The following JAM2 variants were observed in gnomAD, a reference collection of about 807,000 sequenced individuals.
JAM2 encodes junctional adhesion molecule 2.
Under a neutral mutation model 42.0 loss-of-function variants are expected in JAM2, and 17 were observed. The observed-to-expected ratio is 0.40, with a 90% CI of 0.28 to 0.61. JAM2 has a LOEUF of 0.61. Among genes scored for constraint, JAM2 ranks in the 20% least tolerant of loss-of-function variants. JAM2 has a pLI of 0.37. For synonymous variants in JAM2, 118 were observed against 128.6 expected (o/e 0.92, Z 0.56); for missense variants, 319 against 358.3 (o/e 0.89, Z 0.89).
chr21:25,688,016 G>T lies in JAM2; in HGVS notation c.134-1850G>T, dbSNP rs562905707. On this transcript the variant is annotated intron_variant, in intron 2 of 9. Transcript: ENST00000480456. ...CCCAAAGGGCAAGGATCTTTGTTTC[G>T]TTCACTGATACAGCTCAAGAACAAT... 2.0e-5 allele frequency among the ~76,000 whole-genome samples: 3 copies of T among 152,224 alleles called. No individual in the cohort carries two copies. In the South Asian group the frequency reaches 6.2e-4, roughly 32 times the overall value.
chr21:25,707,519 A>G (rs2034297244), intron 7 of JAM2, among the ~76,000 whole-genome samples: 1 of 152,228 alleles, frequency 6.6e-6, no homozygotes, highest in Admixed American at 6.5e-5. Flanking sequence ...TCAGTCAAAA[A>G]TAGAAACCTA....
chr21:25,696,748 G>A (rs932226764), intron 4 of JAM2, among the ~76,000 whole-genome samples: 28 of 152,120 alleles, frequency 1.8e-4, no homozygotes, highest in Admixed American at 4.6e-4. Context: ...AGGACCGAGA[G>A]GTCTCTGTTC....
intron 1 of JAM2, among the ~76,000 whole-genome samples, chr21:25,654,230 GT>G (rs1420494330): frequency 1.3e-5 from 2 of 152,224 alleles, no homozygotes; most frequent in Admixed American, 1.3e-4. Context: ...TTTGCAGCAT[GT>G]AATTGACTTA....
At chr21:25,704,125 C>T (rs1450160136) in intron 6 of JAM2, among the ~76,000 whole-genome samples, 3 of 151,524 alleles carry the variant, frequency 2.0e-5, no homozygotes, top group African/African-American at 7.3e-5. Context: ...GATTTAATGA[C>T]TACTACAAAG....
Position 25,694,029 on chromosome 21 carries a change from G to A in JAM2, c.394+121G>A, listed in dbSNP as rs1009977119. ...TCAACTGGGAGCCTCAACCAGTCAAGTTACAGAGACCATAAGCATCACCTT... is the reference window on the plus strand; with the variant it reads ...TCAACTGGGAGCCTCAACCAGTCAAATTACAGAGACCATAAGCATCACCTT... On this transcript the variant is annotated intron_variant, in intron 4 of 9. Transcript: ENST00000480456. 3.3e-6 allele frequency: 3 copies of A among 903,896 alleles called. No individual in the cohort carries two copies. In the African/African-American group the frequency reaches 5.1e-5, roughly 15 times the overall value. The allele number at this position is 903,896 out of a possible 1,614,324, so 56.0% of individuals were successfully genotyped here. A position where few individuals can be genotyped will look rare whatever the true frequency, so the allele number is the denominator to read the frequency against.
intron 1 of JAM2, among the ~76,000 whole-genome samples, chr21:25,667,279 C>CTG (rs2033247335): frequency 6.6e-6 from 1 of 152,200 alleles, no homozygotes; most frequent in Non-Finnish European, 1.5e-5. Context: ...ATCGTTGTGG[C>CTG]TGAATGATTC....
Position 25,681,368 on chromosome 21 carries a change from G to A in JAM2, c.68-2515G>A, listed in dbSNP as rs192090115. On this transcript the variant is annotated intron_variant, in intron 1 of 9. Coordinates refer to ENST00000480456, the MANE Select transcript of JAM2 (RefSeq NM_021219.4). ...GGGAGGCCTCAGGAAACTTACAATC[G>A]TGGCAGAAGGGGAAGCAAATACATC... Among the ~76,000 whole-genome samples, 14 of 152,242 alleles carry A rather than the reference G, an allele frequency of 9.2e-5. No individual in the cohort carries two copies. The East Asian group carries it at 1.5e-3, about 17-fold the overall frequency.
At chr21:25,651,072 A>AC (rs1266534216) in intron 1 of JAM2, among the ~76,000 whole-genome samples, 55 of 150,172 alleles carry the variant, frequency 3.7e-4, no homozygotes, top group Admixed American at 9.3e-4. Flanking sequence ...AAAAAAAAAA[A>AC]AAAAAAAAAA....
intron 3 of JAM2, among the ~76,000 whole-genome samples, chr21:25,692,991 G>A (rs1294936080): frequency 6.6e-6 from 1 of 152,094 alleles, no homozygotes; most frequent in African/African-American, 2.4e-5. Flanking sequence ...GTTACTATAA[G>A]GTATATGTTA....
intron 6 of JAM2, among the ~76,000 whole-genome samples, chr21:25,702,738 T>C (rs577222024): frequency 6.6e-6 from 1 of 152,368 alleles, no homozygotes; most frequent in African/African-American, 2.4e-5. Flanking sequence ...TCAATGCTGC[T>C]TTGAAATTAT....
In JAM2 at chr21:25,683,911, A is replaced by G. The variant is rs2123369334; in HGVS notation, c.96A>G (p.Pro32=). The part of the protein sequence containing the change: ...GYHKAYGFSA[P]KDQQVVTAVE... ...ATAAGGCCTATGGGTTTTCTGCCCC[A>G]AAAGACCAACAAGTAGTCACAGCAG... Residue 32 remains proline, a synonymous_variant, in exon 2 of 10, where the codon CCA becomes CCG. Transcript: ENST00000480456. The G allele has an allele frequency of 6.2e-7, 1 of 1,609,242 alleles. No individual in the cohort carries two copies. Among genetic ancestry groups the G allele is most frequent in the East Asian group, 2.2e-5 (1 of 44,812 alleles).
chr21:25,714,596 T>G (rs1311047786), intron 9 of JAM2, 44 bp from the exon 10 acceptor site: 2 of 1,141,434 alleles, frequency 1.8e-6, no homozygotes, highest in Non-Finnish European at 2.5e-6. Context: ...TTTCTTTAAA[T>G]ATGAATTCAT....
At chr21:25,692,659 C>T (rs1050708078) in intron 3 of JAM2, 1 of 152,124 alleles carries the variant, frequency 6.6e-6, no homozygotes, top group African/African-American at 2.4e-5. Context: ...TTATGACCAA[C>T]TTTACTGTTT....
chr21:25,692,686 A>G (rs1466543417), intron 3 of JAM2: 1 of 152,232 alleles, frequency 6.6e-6, no homozygotes, highest in Non-Finnish European at 1.5e-5. Context: ...ACCTTGTATA[A>G]CTACTGAATT....
At chr21:25,657,481 G>A (rs79121766) in intron 1 of JAM2, among the ~76,000 whole-genome samples, 1 of 152,040 alleles carries the variant, frequency 6.6e-6, no homozygotes, top group East Asian at 1.9e-4. Context: ...GTACATTATT[G>A]AATTCATAAG....
chr21:25,676,701 A>G (rs2033505373), intron 1 of JAM2, among the ~76,000 whole-genome samples: 1 of 152,114 alleles, frequency 6.6e-6, no homozygotes, highest in South Asian at 2.1e-4. Context: ...CTACATGACC[A>G]TTTTCTTTTG....
chr21:25,709,664 G>A (rs1020058357), intron 8 of JAM2: 15 of 386,782 alleles, frequency 3.9e-5, no homozygotes, highest in African/African-American at 2.8e-4. Flanking sequence ...TGTAAAAAGA[G>A]GTTTAATTGG....
At chr21:25,707,180 T>C (rs183462773) in intron 7 of JAM2, among the ~76,000 whole-genome samples, 9 of 152,338 alleles carry the variant, frequency 5.9e-5, no homozygotes, top group Admixed American at 4.6e-4. Flanking sequence ...AGGACAACTG[T>C]ATTTAGAAGA....
At chr21:25,707,923 C>T (rs1395483816) in intron 7 of JAM2, among the ~76,000 whole-genome samples, 2 of 152,032 alleles carry the variant, frequency 1.3e-5, no homozygotes, top group African/African-American at 4.8e-5. Context: ...AGGCTCACTG[C>T]AGCCTTGACT....
Sources: gnomAD v4.1 joint callset for allele counts (sites outside exome capture counted in the v4.1 genomes callset) on GRCh38, gnomAD v4.1.1 for gene constraint, MANE v1.5 for transcripts, NCBI Gene and HGNC (gene_info 2026-07-23, HGNC 2026-07-21) for gene names.